The following NARF variants were observed in gnomAD, a reference collection of about 807,000 sequenced individuals.
NARF encodes the protein nuclear prelamin A recognition factor.
In NARF, 41 loss-of-function variants were observed where a neutral mutation model predicts 48.0. That is an observed-to-expected ratio of 0.85 (90% CI 0.66 to 1.11). The LOEUF (loss-of-function observed/expected upper bound fraction) is 1.11, where lower values mean the gene tolerates loss of function less well. Ranked by LOEUF, NARF falls within the 50% of genes least tolerant of loss-of-function variation. The pLI, the probability that NARF is intolerant of heterozygous loss-of-function variation, is 0.00. For missense variants in NARF, 613 were observed against 590.2 expected (o/e 1.04, Z -0.40); for synonymous variants, 215 against 225.5 (o/e 0.95, Z 0.42).
At chr17:82,485,055 C>T in intron 9 of NARF, 105 bp downstream of exon 9, 1 of 1,363,838 alleles carries the variant, frequency 7.3e-7, no homozygotes, top group Non-Finnish European at 9.7e-7. Context: ...GGAGTTTACA[C>T]TAGTCAAAAT....
chr17:82,471,831 T>TTACTGTACGTTCTACTTTTAAACA (rs2043717208), intron 4 of NARF, among the ~76,000 whole-genome samples: 1 of 150,668 alleles, frequency 6.6e-6, no homozygotes, highest in South Asian at 2.1e-4. Flanking sequence ...TTCTATACTT[T>TTACTGTACGTTCTACTTTTAAACA]TACTGTACGT....
rs58302009 is a variant in NARF, at chr17:82,471,791, C to CAAAAAAAAAAAAA, written c.386-769_386-757dup. On this transcript the variant is annotated intron_variant, in intron 4 of 10. Coordinates refer to ENST00000309794, the MANE Select transcript of NARF (RefSeq NM_012336.4). ...TGCGCGAAAGAGTGAGACTCCGTCT[C>CAAAAAAAAAAAAA]AAAAAAAAAAAAAAAAGTATGCCCA... Among the ~76,000 whole-genome samples the CAAAAAAAAAAAAA allele has an allele frequency of 1.9e-3, 125 of 64,540 alleles. 3 individuals carry two copies. Among genetic ancestry groups the CAAAAAAAAAAAAA allele is most frequent in the African/African-American group, 6.7e-3 (109 of 16,372 alleles). The allele number at this position is 64,540 out of a possible 152,430, so 42.3% of individuals were successfully genotyped here. A position where few individuals can be genotyped will look rare whatever the true frequency, so the allele number is the denominator to read the frequency against.
At chr17:82,464,817 C>T (rs111339730) in intron 3 of NARF, among the ~76,000 whole-genome samples, 1 of 152,106 alleles carries the variant, frequency 6.6e-6, no homozygotes. Flanking sequence ...TCTAATAGAC[C>T]GATCAGCTTG....
chr17:82,483,297 C>T (rs893388734), intron 7 of NARF: 19 of 341,334 alleles, frequency 5.6e-5, no homozygotes, highest in Non-Finnish European at 8.7e-5. Flanking sequence ...CCAGCCTGGG[C>T]GGCGGAGGTG....
chr17:82,478,507 T>C (rs1289568389), intron 5 of NARF: 1 of 492,556 alleles, frequency 2.0e-6, no homozygotes, highest in African/African-American at 1.9e-5. Flanking sequence ...TTTCAGTGCT[T>C]GTTCCCCTTC....
rs1401180176 is a variant in NARF at position 82,478,936 on chromosome 17, G to T, written c.639+18G>T. ...GACAGCAGGTAAGCTGACCTCTCTG[G>T]AGGGCAGGAAGGGCAGGTGAGGGAG... On this transcript the variant is annotated intron_variant, in intron 6 of 10. Transcript: ENST00000309794. 6.2e-7 allele frequency: 1 copy of T among 1,608,698 alleles called. No homozygotes were observed. Among genetic ancestry groups the T allele is most frequent in the Non-Finnish European group, 8.5e-7 (1 of 1,176,272 alleles).
In NARF at chr17:82,458,842, G is replaced by T; in HGVS notation, c.27+12G>T. 1 of 1,400,186 alleles carries T rather than the reference G, an allele frequency of 7.1e-7. No individual in the cohort carries two copies. Among genetic ancestry groups the T allele is most frequent in the South Asian group, 1.6e-5 (1 of 61,312 alleles). 86.7% of individuals were successfully genotyped at this position (1,400,186 alleles called of 1,614,324 possible). A position where few individuals can be genotyped will look rare whatever the true frequency, so the allele number is the denominator to read the frequency against. ...ACTGCACGCGCAAGGTGAGCGCCGCGGGCCGGGGAGGCGCGCGCCTGGTGC... is the reference window on the plus strand; with the variant it reads ...ACTGCACGCGCAAGGTGAGCGCCGCTGGCCGGGGAGGCGCGCGCCTGGTGC... On this transcript the variant is annotated intron_variant, in intron 1 of 10. Coordinates refer to ENST00000309794, the MANE Select transcript of NARF (RefSeq NM_012336.4).
intron 5 of NARF, among the ~76,000 whole-genome samples, chr17:82,473,791 C>T (rs751918817): frequency 6.6e-6 from 1 of 152,074 alleles, no homozygotes. Flanking sequence ...ATCCTGACCT[C>T]AAGTGATCTG....
intron 7 of NARF, chr17:82,482,211 C>T: frequency 2.4e-6 from 1 of 417,854 alleles, no homozygotes; most frequent in African/African-American, 2.1e-5. Flanking sequence ...CAGGGACAAT[C>T]TTTAAGGGCG....
At chr17:82,486,283 A>G (rs567548821) in intron 10 of NARF, among the ~76,000 whole-genome samples, 1 of 152,270 alleles carries the variant, frequency 6.6e-6, no homozygotes, top group African/African-American at 2.4e-5. Context: ...CCCCTGACCC[A>G]TGGTGGTCCA....
rs754891318 is a variant in NARF at position 82,468,828 on chromosome 17, T to G, written c.317T>G (p.Phe106Cys). ...VSVCPQSLPY[F>C]AAKFNLSVTD... is the part of the protein sequence containing the mutation. Reference sequence around the variant, plus strand: ...GTGTGTCCTCAATCTTTGCCTTATTTTGCTGCTAAATTCAACCTCAGTGTA... The same window carrying G: ...GTGTGTCCTCAATCTTTGCCTTATTGTGCTGCTAAATTCAACCTCAGTGTA... Residue 106 changes from phenylalanine to cysteine, a missense_variant, in exon 4 of 11, where the codon TTT (phenylalanine) becomes TGT (cysteine). By Grantham distance (205) the Phe-to-Cys change is radical. Transcript: ENST00000309794. 1.9e-6 allele frequency: 3 copies of G among 1,614,142 alleles called. No individual in the cohort carries two copies. The highest frequency in any genetic ancestry group is 2.5e-6 in the Non-Finnish European group (3 of 1,179,996).
chr17:82,459,103 G>T, intron 1 of NARF: 1 of 1,186,766 alleles, frequency 8.4e-7, no homozygotes, highest in Non-Finnish European at 1.0e-6. Context: ...CGAGCCTCTC[G>T]TGCCGCGCAC....
intron 10 of NARF, among the ~76,000 whole-genome samples, chr17:82,487,175 A>C (rs971641418): frequency 1.1e-4 from 16 of 152,184 alleles, no homozygotes; most frequent in African/African-American, 3.9e-4. Flanking sequence ...TGGGTGATGT[A>C]AATGGGTAAG....
At chr17:82,472,760 G>A (rs1326514342) in intron 5 of NARF, 62 bp downstream of exon 5, 5 of 1,566,108 alleles carry the variant, frequency 3.2e-6, no homozygotes, top group Non-Finnish European at 4.3e-6. Context: ...ACAAGATTCT[G>A]CAGGCTCTAG....
At chr17:82,463,027 C>G (rs1444388302) in intron 2 of NARF, 1 of 152,068 alleles carries the variant, frequency 6.6e-6, no homozygotes, top group Non-Finnish European at 1.5e-5. Flanking sequence ...TGCCCATCTG[C>G]AGCAGAACAA....
chr17:82,480,287 G>GCACACACA (rs5822530), intron 6 of NARF: 47 of 376,170 alleles, frequency 1.2e-4, no homozygotes, highest in African/African-American at 8.5e-4. Flanking sequence ...TAGCCAGCGC[G>GCACACACA]CGCACACACA....
intron 10 of NARF, among the ~76,000 whole-genome samples, chr17:82,486,594 T>A (rs1441213711): frequency 2.6e-5 from 4 of 152,106 alleles, no homozygotes; most frequent in African/African-American, 7.2e-5. Flanking sequence ...TCACTGAGCA[T>A]TCCAGGGGCA....
At chr17:82,471,077 C>T (rs1351299050) in intron 4 of NARF, among the ~76,000 whole-genome samples, 2 of 151,566 alleles carry the variant, frequency 1.3e-5, no homozygotes, top group Admixed American at 6.6e-5. Context: ...GCACAAGAAT[C>T]GCTCAGACCC....
At position 82,485,639 on chromosome 17, in the gene NARF, C is replaced by T. The variant is rs556537913; in HGVS notation, c.1114C>T (p.Leu372Phe). ...GTTCCCATTCCACTTTGTGGAGGTC[C>T]TCGCCTGTGCTGGAGGTGAGGCGCC... ...GKFPFHFVEV[L>F]ACAGGCLNGR... The change falls in exon 10 of 11, where the codon CTC (leucine) becomes TTC (phenylalanine). Residue 372 changes from leucine (L) to phenylalanine (F), a missense_variant. Physicochemically the swap from Leu to Phe is conservative, Grantham distance 22. Transcript: ENST00000309794. 191 of 1,614,096 alleles carry T rather than the reference C, an allele frequency of 1.2e-4. No homozygotes were observed. In the Admixed American group the frequency reaches 1.5e-3, roughly 13 times the overall value.
Sources: allele counts gnomAD v4.1 joint callset (sites outside exome capture counted in the v4.1 genomes callset), GRCh38; gene constraint gnomAD v4.1.1; transcripts MANE v1.5; gene names NCBI Gene and HGNC (gene_info 2026-07-23, HGNC 2026-07-21).